The following BMERB1 variants were observed in gnomAD, a reference collection of about 807,000 sequenced individuals.
BMERB1 encodes the protein bMERB domain containing 1.
In BMERB1, 12 loss-of-function variants were observed where a neutral mutation model predicts 23.6. The observed-to-expected ratio is 0.51, with a 90% CI of 0.33 to 0.82. The LOEUF is 0.82. Ranked by LOEUF, BMERB1 falls within the 40% of genes least tolerant of loss-of-function variation. The pLI is 0.03. For synonymous variants in BMERB1, 122 were observed against 96.6 expected (o/e 1.26, Z -1.54); for missense variants, 247 against 255.4 (o/e 0.97, Z 0.22).
chr16:15,544,067 G>A (rs999946236), intron 2 of BMERB1, among the ~76,000 whole-genome samples: 4 of 152,096 alleles, frequency 2.6e-5, no homozygotes, highest in Non-Finnish European at 5.9e-5. Context: ...GAAATTACAC[G>A]TTAACTTGTA....
At chr16:15,484,520 G>A (rs373198990) in intron 1 of BMERB1, among the ~76,000 whole-genome samples, 5 of 151,864 alleles carry the variant, frequency 3.3e-5, no homozygotes, top group African/African-American at 1.2e-4. Context: ...TCCTGCCTTA[G>A]CCTCCCAAAT....
At chr16:15,454,039 T>G (rs192481629) in intron 1 of BMERB1, among the ~76,000 whole-genome samples, 3 of 152,184 alleles carry the variant, frequency 2.0e-5, no homozygotes, top group Non-Finnish European at 2.9e-5. Flanking sequence ...TACTTTGGGA[T>G]CTGGTCTCTT....
In BMERB1 at chr16:15,578,010, A is replaced by C. The variant is rs537035643; in HGVS notation, c.305-3207A>C. Among the ~76,000 whole-genome samples the C allele has an allele frequency of 2.6e-5, 4 of 152,248 alleles. No individual in the cohort carries two copies. In the East Asian group the frequency reaches 7.7e-4, roughly 29 times the overall value. The stretch of plus-strand genomic sequence containing the variant: ...GCTGTGACCAATTATTATTTTAGAG[A>C]GACAATTTTAACAACTGCCTGACAT... On this transcript the variant is annotated intron_variant, in intron 3 of 5. Transcript: ENST00000300006.
At chr16:15,501,169 G>A (rs1391123128) in intron 1 of BMERB1, among the ~76,000 whole-genome samples, 1 of 151,112 alleles carries the variant, frequency 6.6e-6, no homozygotes, top group African/African-American at 2.4e-5. Context: ...AAGAGACAGG[G>A]TCTCGTTGCT....
chr16:15,489,893 G>T (rs1290900690), intron 1 of BMERB1, among the ~76,000 whole-genome samples: 1 of 151,896 alleles, frequency 6.6e-6, no homozygotes, highest in Non-Finnish European at 1.5e-5. Flanking sequence ...TTGAGATGGA[G>T]TCTTGCTCTG....
intron 1 of BMERB1, among the ~76,000 whole-genome samples, chr16:15,453,412 T>A (rs1808673070): frequency 6.6e-6 from 1 of 152,098 alleles, no homozygotes; most frequent in African/African-American, 2.4e-5. Flanking sequence ...ACCCTGTCTC[T>A]ACAAAAATAA....
intron 1 of BMERB1, chr16:15,502,442 C>CCT: frequency 7.5e-7 from 1 of 1,329,218 alleles, no homozygotes; most frequent in Non-Finnish European, 1.1e-6. Flanking sequence ...AATCGAGCAG[C>CCT]CAGGAGCTTC....
At chr16:15,484,621 C>T (rs987194882) in intron 1 of BMERB1, among the ~76,000 whole-genome samples, 13 of 152,132 alleles carry the variant, frequency 8.5e-5, no homozygotes, top group Admixed American at 2.0e-4. Context: ...AGGCTGGTCT[C>T]GAGCTCCTGA....
chr16:15,547,093 A>G (rs568993266), intron 2 of BMERB1, among the ~76,000 whole-genome samples: 5 of 150,250 alleles, frequency 3.3e-5, no homozygotes, highest in African/African-American at 7.4e-5. Context: ...GCTCACTACA[A>G]CCTCTGCCTC....
chr16:15,452,019 G>T (rs147558740), intron 1 of BMERB1, among the ~76,000 whole-genome samples: 5 of 152,066 alleles, frequency 3.3e-5, no homozygotes. Context: ...AGTGGCTTAC[G>T]CCTGAAATCC....
intron 2 of BMERB1, among the ~76,000 whole-genome samples, chr16:15,520,107 T>C (rs2051831919): frequency 6.6e-6 from 1 of 152,072 alleles, no homozygotes; most frequent in Admixed American, 6.6e-5. Context: ...ATAGAGTAAG[T>C]TCTATCTCTT....
At chr16:15,570,797 G>A (rs530824381) in intron 3 of BMERB1, among the ~76,000 whole-genome samples, 2 of 152,040 alleles carry the variant, frequency 1.3e-5, no homozygotes, top group South Asian at 4.1e-4. Context: ...TTCTGGGAAA[G>A]GGGTGGGCAA....
chr16:15,454,328 A>T (rs2051066131), intron 1 of BMERB1, among the ~76,000 whole-genome samples: 1 of 152,242 alleles, frequency 6.6e-6, no homozygotes. Context: ...TGGCTCTGCT[A>T]GGTGACTTGG....
chr16:15,504,197 C>T (rs1323072366), intron 1 of BMERB1, among the ~76,000 whole-genome samples: 1 of 152,206 alleles, frequency 6.6e-6, no homozygotes, highest in Non-Finnish European at 1.5e-5. Context: ...ACTCCCCTCT[C>T]TTGCCCTCTT....
At chr16:15,572,764 C>T (rs2030760653) in intron 3 of BMERB1, among the ~76,000 whole-genome samples, 1 of 152,158 alleles carries the variant, frequency 6.6e-6, no homozygotes, top group Admixed American at 6.5e-5. Context: ...CAAATCTCAT[C>T]TTGAATTGTA....
intron 2 of BMERB1, among the ~76,000 whole-genome samples, chr16:15,545,007 C>T (rs1054889160): frequency 6.6e-6 from 1 of 152,000 alleles, no homozygotes; most frequent in African/African-American, 2.4e-5. Flanking sequence ...GAGTCTCGCT[C>T]TATCACCCAG....
chr16:15,536,860 A>C (rs1294359527), intron 2 of BMERB1: 1 of 152,226 alleles, frequency 6.6e-6, no homozygotes, highest in Non-Finnish European at 1.5e-5. Flanking sequence ...GAAGAACCCT[A>C]GTGTCCATCA....
At chr16:15,441,533 A>G (rs1172850583) in intron 1 of BMERB1, among the ~76,000 whole-genome samples, 1 of 152,080 alleles carries the variant, frequency 6.6e-6, no homozygotes, top group Non-Finnish European at 1.5e-5. Context: ...GCCCACCACC[A>G]TGCCTGGTTA....
At chr16:15,458,331 A>G (rs1476957431) in intron 1 of BMERB1, among the ~76,000 whole-genome samples, 1 of 152,218 alleles carries the variant, frequency 6.6e-6, no homozygotes, top group Non-Finnish European at 1.5e-5. Context: ...AATTTATAGT[A>G]TCTACCACAG....
Sources: allele counts gnomAD v4.1 joint callset (sites outside exome capture counted in the v4.1 genomes callset), GRCh38; gene constraint gnomAD v4.1.1; transcripts MANE v1.5; gene names NCBI Gene and HGNC (gene_info 2026-07-23, HGNC 2026-07-21).